CDH13: variants seen among roughly 807,000 people sequenced by gnomAD.
The protein encoded by CDH13 is cadherin 13, also known as cadherin-13.
Under a neutral mutation model 63.8 loss-of-function variants are expected in CDH13, and 24 were observed. That is an observed-to-expected ratio of 0.38 (90% CI 0.27 to 0.53). The LOEUF is 0.53. Ranked by LOEUF, CDH13 falls within the 20% of genes least tolerant of loss-of-function variation. The pLI is 0.85. For synonymous variants in CDH13, 503 were observed against 355.3 expected, an observed-to-expected ratio of 1.42 and a Z score of -4.67; for missense variants, 1,049 against 903.1, an observed-to-expected ratio of 1.16 and a Z score of -2.07.
At chr16:83,417,088 C>A (rs1291743996) in intron 6 of CDH13, among the ~76,000 whole-genome samples, 1 of 152,080 alleles carries the variant, frequency 6.6e-6, no homozygotes, top group Non-Finnish European at 1.5e-5. Flanking sequence ...ATGAGATAGC[C>A]ACTGTTATTA....
At chr16:83,515,074 CT>C (rs1378194932) in intron 7 of CDH13, among the ~76,000 whole-genome samples, 1 of 152,110 alleles carries the variant, frequency 6.6e-6, no homozygotes, top group Non-Finnish European at 1.5e-5. Context: ...AATCTAGAAT[CT>C]GGTTTCCTCA....
chr16:82,928,715 C>T (rs78005015), intron 2 of CDH13, among the ~76,000 whole-genome samples: 4,277 of 152,244 alleles, frequency 0.028, 185 homozygotes, highest in African/African-American at 0.091. Context: ...GATAAACATC[C>T]TTATTGTTCT....
At chr16:83,681,838 G>A (rs1449360678) in intron 10 of CDH13, among the ~76,000 whole-genome samples, 1 of 152,144 alleles carries the variant, frequency 6.6e-6, no homozygotes, top group Non-Finnish European at 1.5e-5. Context: ...CATCTGCGCT[G>A]GGCTACCCCG....
intron 8 of CDH13, among the ~76,000 whole-genome samples, chr16:83,651,042 A>C (rs1286491525): frequency 6.6e-6 from 1 of 152,060 alleles, no homozygotes; most frequent in East Asian, 1.9e-4. Context: ...TCAAGGCTGC[A>C]GTGAGCCATC....
At chr16:82,913,273 G>A (rs780005854) in intron 2 of CDH13, among the ~76,000 whole-genome samples, 1 of 152,114 alleles carries the variant, frequency 6.6e-6, no homozygotes. Flanking sequence ...AGAGGGAAAC[G>A]TTCGATGCTG....
At chr16:83,038,817 G>C (rs4387591) in intron 3 of CDH13, among the ~76,000 whole-genome samples, 86,122 of 152,090 alleles carry the variant, frequency 0.57, 24,620 homozygotes, top group African/African-American at 0.62. Context: ...CACTCACAAA[G>C]TAAAAACACC....
chr16:83,723,092 A>T (rs1474684334), intron 10 of CDH13, among the ~76,000 whole-genome samples: 1 of 152,258 alleles, frequency 6.6e-6, no homozygotes, highest in Non-Finnish European at 1.5e-5. Flanking sequence ...CAGACATGTC[A>T]GTCTGAAACT....
chr16:83,652,219 A>G (rs1912449942), intron 8 of CDH13, among the ~76,000 whole-genome samples: 1 of 152,256 alleles, frequency 6.6e-6, no homozygotes, highest in African/African-American at 2.4e-5. Context: ...TCTTCTGACT[A>G]AGACATTTGG....
chr16:83,032,552 C>G (rs1221383085), intron 3 of CDH13, among the ~76,000 whole-genome samples: 1 of 152,078 alleles, frequency 6.6e-6, no homozygotes, highest in Non-Finnish European at 1.5e-5. Context: ...TTGAGACAGT[C>G]ACATCTCTCC....
At chr16:83,623,353 G>T (rs1034786744) in intron 8 of CDH13, among the ~76,000 whole-genome samples, 3 of 152,132 alleles carry the variant, frequency 2.0e-5, no homozygotes, top group African/African-American at 7.2e-5. Context: ...TCAGCGCCTT[G>T]TTTCTCCCTG....
intron 1 of CDH13, among the ~76,000 whole-genome samples, chr16:82,752,872 G>A (rs1057408566): frequency 1.3e-5 from 2 of 152,148 alleles, no homozygotes; most frequent in African/African-American, 4.8e-5. Flanking sequence ...ATGTGCAGCC[G>A]CACCCCATTA....
chr16:83,124,132 G>C (rs200004124), intron 3 of CDH13, among the ~76,000 whole-genome samples: 1 of 151,996 alleles, frequency 6.6e-6, no homozygotes, highest in Non-Finnish European at 1.5e-5. Context: ...TGCACTGTCC[G>C]CCTCCTGGGT....
rs374143658 is a variant in CDH13, at chr16:83,237,531, A to T, written c.636+20034A>T. Reference sequence around the variant, plus strand: ...ACTATTGAGCATTTGAACTGCAGCTAGTGCAGCTGTAGAACTGAGTTCTTA... The same window carrying T: ...ACTATTGAGCATTTGAACTGCAGCTTGTGCAGCTGTAGAACTGAGTTCTTA... On this transcript the variant is annotated intron_variant, in intron 5 of 13. Transcript: ENST00000567109. Among the ~76,000 whole-genome samples, 9 of 152,270 alleles carry T rather than the reference A, an allele frequency of 5.9e-5. No individual in the cohort carries two copies. In the East Asian group the frequency reaches 1.7e-3, roughly 29 times the overall value.
intron 1 of CDH13, among the ~76,000 whole-genome samples, chr16:82,719,936 A>G (rs992101418): frequency 6.6e-6 from 1 of 151,984 alleles, no homozygotes; most frequent in Non-Finnish European, 1.5e-5. Context: ...ACTTTCAGGG[A>G]AATGAAATAT....
In CDH13 at chr16:83,337,288, A is replaced by G. The variant is rs761734181; in HGVS notation, c.637-7574A>G. 4.6e-5 allele frequency among the ~76,000 whole-genome samples: 7 copies of G among 152,180 alleles called. 1 individual carries two copies. Among genetic ancestry groups the G allele is most frequent in the Non-Finnish European group, 1.0e-4 (7 of 68,030 alleles). On this transcript the variant is annotated intron_variant, in intron 5 of 13. Transcript: ENST00000567109. ...GAACCCAGGTGCTGGGATGCCAGGA[A>G]GGGTGGACAACAGGGCCCTAAACTC...
At chr16:83,707,267 C>T (rs1397894635) in intron 10 of CDH13, among the ~76,000 whole-genome samples, 8 of 152,154 alleles carry the variant, frequency 5.3e-5, no homozygotes, top group South Asian at 2.1e-4. Context: ...CTGCATGGTC[C>T]GTAACACTTT....
intron 2 of CDH13, among the ~76,000 whole-genome samples, chr16:82,891,027 A>T (rs996072845): frequency 6.5e-5 from 9 of 138,470 alleles, no homozygotes; most frequent in African/African-American, 2.5e-4. Context: ...ACATTAAGTC[A>T]TAGAGGAGGG....
chr16:83,474,692 G>A (rs909746785), intron 6 of CDH13, among the ~76,000 whole-genome samples: 3 of 152,200 alleles, frequency 2.0e-5, no homozygotes, highest in Admixed American at 2.0e-4. Flanking sequence ...CAGTTCTCTG[G>A]TGTCCAAAGC....
intron 2 of CDH13, among the ~76,000 whole-genome samples, chr16:82,864,156 T>A (rs2040041104): frequency 2.6e-5 from 4 of 152,228 alleles, no homozygotes; most frequent in Admixed American, 2.6e-4. Flanking sequence ...GATGTCACCC[T>A]TTTTGCTCTT....
Sources: allele counts gnomAD v4.1 joint callset (sites outside exome capture counted in the v4.1 genomes callset), GRCh38; gene constraint gnomAD v4.1.1; transcripts MANE v1.5; gene names NCBI Gene and HGNC (gene_info 2026-07-23, HGNC 2026-07-21).